Variants in DNAH12 observed in about 807,000 individuals in gnomAD.
DNAH12 encodes axonemal beta dynein heavy chain 12.
Under a neutral mutation model 371.5 loss-of-function variants are expected in DNAH12, and 285 were observed. The observed-to-expected ratio is 0.77, with a 90% CI of 0.70 to 0.85. The LOEUF (loss-of-function observed/expected upper bound fraction) is 0.85. DNAH12 is among the 40% of genes least tolerant of loss of function. DNAH12 has a pLI of 0.00. For missense variants in DNAH12, 3,611 were observed against 3,689.4 expected, an observed-to-expected ratio of 0.98 and a Z score of 0.55; for synonymous variants, 1,200 against 1,213.0, an observed-to-expected ratio of 0.99 and a Z score of 0.22.
At chr3:57,452,178 A>G (rs1171278836) in intron 25 of DNAH12, among the ~76,000 whole-genome samples, 1 of 152,154 alleles carries the variant, frequency 6.6e-6, no homozygotes, top group Non-Finnish European at 1.5e-5. Context: ...CACTGGTAAC[A>G]TATTTTGGTG....
At chr3:57,371,941 C>CAAAAAAAAAAAAAAAAAAAAAAAAAA (rs1169602185) in intron 55 of DNAH12, among the ~76,000 whole-genome samples, 5 of 25,848 alleles carry the variant, frequency 1.9e-4, no homozygotes, top group Admixed American at 6.7e-4. Flanking sequence ...CTAAACTCAG[C>CAAAAAAAAAAAAAAAAAAAAAAAAAA]AAAAAAAAAA....
At position 57,309,176 on chromosome 3, in the gene DNAH12, C is replaced by T. The variant is rs1304283826; in HGVS notation, c.11164G>A (p.Val3722Ile). ...TTGTTAAATCTTTCCATTTCTTGTA[C>T]TAACACAGTATTCATGCTTTCTTCA... ...RYEESMNTVL[V>I]QEMERFNNLI... Residue 3722 changes from valine (V) to isoleucine (I), a missense_variant, in exon 69 of 74, where the codon GTA becomes ATA. Transcript: ENST00000495027. The T allele has an allele frequency of 3.2e-6, 5 of 1,548,106 alleles. No homozygotes were observed. The South Asian group carries it at 6.0e-5, about 19-fold the overall frequency.
At chr3:57,482,190 T>C (rs1472993177) in intron 13 of DNAH12, among the ~76,000 whole-genome samples, 1 of 151,926 alleles carries the variant, frequency 6.6e-6, no homozygotes, top group East Asian at 1.9e-4. Flanking sequence ...AGGGCTAATA[T>C]CCAGAATCTA....
At chr3:57,332,789 G>A (rs1308182232) in intron 62 of DNAH12, among the ~76,000 whole-genome samples, 1 of 152,152 alleles carries the variant, frequency 6.6e-6, no homozygotes, top group East Asian at 1.9e-4. Context: ...GATCTGGGGA[G>A]CTACCACTGT....
chr3:57,405,338 T>A (rs1297960359), intron 41 of DNAH12, among the ~76,000 whole-genome samples, 191 bp from the exon 42 acceptor site: 3 of 152,228 alleles, frequency 2.0e-5, no homozygotes, highest in African/African-American at 7.2e-5. Flanking sequence ...AAGATTTATA[T>A]GTTTTGTTGT....
chr3:57,527,254 T>C (rs1388284029), intron 2 of DNAH12, among the ~76,000 whole-genome samples: 1 of 152,138 alleles, frequency 6.6e-6, no homozygotes, highest in Non-Finnish European at 1.5e-5. Context: ...TCCAGTCCTT[T>C]GGGAGGCCAT....
chr3:57,461,740 T>A, intron 18 of DNAH12, 51 bp from the exon 19 acceptor site: 1 of 1,434,710 alleles, frequency 7.0e-7, no homozygotes, highest in Non-Finnish European at 9.5e-7. Context: ...AGGATCTTAT[T>A]TACTATATTG....
At chr3:57,327,348 T>A (rs2061974691) in intron 62 of DNAH12, among the ~76,000 whole-genome samples, 1 of 151,492 alleles carries the variant, frequency 6.6e-6, no homozygotes, top group East Asian at 1.9e-4. Flanking sequence ...ACAGAAATTA[T>A]AACAAACTAT....
chr3:57,303,207 T>C (rs1484622797), intron 69 of DNAH12, among the ~76,000 whole-genome samples: 6 of 151,350 alleles, frequency 4.0e-5, no homozygotes, highest in Middle Eastern at 3.4e-3. Context: ...GTCGTGGTGG[T>C]GGGCGCCTGT....
At chr3:57,401,393 CAAAAAAA>C (rs1172591337) in intron 43 of DNAH12, among the ~76,000 whole-genome samples, 2 of 120,078 alleles carry the variant, frequency 1.7e-5, no homozygotes, top group African/African-American at 3.2e-5. Flanking sequence ...TACTAAAATA[CAAAAAAA>C]AAAAAAAGAA....
At chr3:57,318,661 G>A (rs1328301795) in intron 65 of DNAH12, among the ~76,000 whole-genome samples, 1 of 151,498 alleles carries the variant, frequency 6.6e-6, no homozygotes, top group East Asian at 1.9e-4. Context: ...TTGTATTTTT[G>A]TATTTGGAAT....
chr3:57,402,888 G>T (rs991265482), intron 43 of DNAH12, among the ~76,000 whole-genome samples: 2 of 152,294 alleles, frequency 1.3e-5, no homozygotes, highest in Middle Eastern at 3.4e-3. Flanking sequence ...TGACTCCATA[G>T]TTATTCATTT....
intron 4 of DNAH12, chr3:57,519,954 G>C: frequency 1.2e-6 from 1 of 862,198 alleles, no homozygotes; most frequent in South Asian, 1.4e-5. Flanking sequence ...TGGAGCCTGC[G>C]CTCCTGGAGT....
At position 57,458,229 on chromosome 3, in the gene DNAH12, G is replaced by T; in HGVS notation, c.2932-9C>A. 3.9e-6 allele frequency: 6 copies of T among 1,539,272 alleles called. No individual in the cohort carries two copies. Among genetic ancestry groups the T allele is most frequent in the Non-Finnish European group, 5.2e-6 (6 of 1,143,980 alleles). On this transcript the variant is annotated splice_polypyrimidine_tract_variant and intron_variant, in intron 20 of 73. Transcript: ENST00000495027. Reference sequence around the variant, plus strand: ...GAAGTGGCAGCAAGAACCTAAACGAGACACATGCATTCAAGTCAGCACTTT... The same window carrying T: ...GAAGTGGCAGCAAGAACCTAAACGATACACATGCATTCAAGTCAGCACTTT...
intron 55 of DNAH12, among the ~76,000 whole-genome samples, chr3:57,368,916 T>A (rs1483514693): frequency 1.3e-5 from 2 of 152,040 alleles, no homozygotes; most frequent in African/African-American, 4.8e-5. Flanking sequence ...TTTAAAAATA[T>A]AGCACAGATG....
chr3:57,478,598 G>T lies in DNAH12; in HGVS notation c.1650+4778C>A, dbSNP rs188178152. On this transcript the variant is annotated intron_variant, in intron 13 of 73. Transcript: ENST00000495027. ...ATTCCACCAAGATACTCCTCGAGAAGAGCAACTCCAAGAAACGTAATTGTC... is the reference window on the plus strand; with the variant it reads ...ATTCCACCAAGATACTCCTCGAGAATAGCAACTCCAAGAAACGTAATTGTC... 2.2e-3 allele frequency among the ~76,000 whole-genome samples: 336 copies of T among 152,172 alleles called. 1 individual carries two copies. The highest frequency in any genetic ancestry group is 3.5e-3 in the Non-Finnish European group (240 of 68,026).
intron 73 of DNAH12, among the ~76,000 whole-genome samples, 172 bp from the exon 74 acceptor site, chr3:57,294,143 G>A (rs189402802): frequency 1.7e-4 from 25 of 150,714 alleles, no homozygotes; most frequent in African/African-American, 5.8e-4. Context: ...TAGTATTACG[G>A]TTGTGAAACA....
At position 57,309,826 on chromosome 3, in the gene DNAH12, A is replaced by G. The variant is rs995845832; in HGVS notation, c.10925T>C (p.Ile3642Thr). 2 of 1,548,868 alleles carry G rather than the reference A, an allele frequency of 1.3e-6. No individual in the cohort carries two copies. Among genetic ancestry groups the G allele is most frequent in the African/African-American group, 2.7e-5 (2 of 72,886 alleles). Residue 3642 changes from isoleucine (I) to threonine (T), a missense_variant, in exon 68 of 74, where the codon ATA (isoleucine) becomes ACA (threonine). By Grantham distance (89) the Ile-to-Thr change is moderately conservative. This residue lies in a region of DNAH12 where 2,266 missense variants were observed against 2,236.9 expected (regional missense o/e 1.01). Transcript: ENST00000495027. ...KKLPFTQHPE[I>T]FGLHENVDIS... is the part of the protein sequence containing the mutation. Reference sequence around the variant, plus strand: ...GTCAACGTTTTCATGTAATCCAAATATCTCAGGGTGTTGAGTAAATGGAAG... The same window carrying G: ...GTCAACGTTTTCATGTAATCCAAATGTCTCAGGGTGTTGAGTAAATGGAAG...
intron 69 of DNAH12, among the ~76,000 whole-genome samples, chr3:57,307,095 C>T (rs1037965509): frequency 6.6e-6 from 1 of 152,198 alleles, no homozygotes; most frequent in Admixed American, 6.5e-5. Context: ...ATTTCTTCCT[C>T]ATCTGTTACC....
Sources: gnomAD v4.1 joint callset for allele counts (sites outside exome capture counted in the v4.1 genomes callset) on GRCh38, gnomAD v4.1.1 for gene constraint, gnomAD v4.1.1 regional missense constraint, MANE v1.5 for transcripts, NCBI Gene and HGNC (gene_info 2026-07-23, HGNC 2026-07-21) for gene names.